The following FLVCR1 variants were observed in gnomAD, a reference collection of about 807,000 sequenced individuals.
The protein encoded by FLVCR1 is choline/ethanolamine transporter FLVCR1.
FLVCR1 carries 34 observed loss-of-function variants against 53.6 expected under a neutral mutation model. The observed-to-expected ratio is 0.63, with a 90% CI of 0.48 to 0.84. FLVCR1 has a LOEUF of 0.84. Ranked by LOEUF, FLVCR1 falls within the 40% of genes least tolerant of loss-of-function variation. The probability of loss-of-function intolerance (pLI) is 0.00; values close to 1 mark genes in which losing one functional copy is unlikely to be tolerated. For synonymous variants in FLVCR1, 300 were observed against 286.3 expected, an observed-to-expected ratio of 1.05 and a Z score of -0.48; for missense variants, 677 against 696.7, an observed-to-expected ratio of 0.97 and a Z score of 0.32.
chr1:212,883,867 C>T (rs1441269625), intron 4 of FLVCR1, among the ~76,000 whole-genome samples: 1 of 149,954 alleles, frequency 6.7e-6, no homozygotes, highest in Non-Finnish European at 1.5e-5. Flanking sequence ...GAAAAGTGGC[C>T]CATTTTAAAG....
chr1:212,867,804 C>CTTT (rs34803914), intron 2 of FLVCR1, among the ~76,000 whole-genome samples: 1 of 122,994 alleles, frequency 8.1e-6, no homozygotes, highest in Non-Finnish European at 1.8e-5. Context: ...CATAATTTTA[C>CTTT]TTTTTTTTTT....
chr1:212,882,841 G>C (rs955198598), intron 3 of FLVCR1, among the ~76,000 whole-genome samples: 3 of 151,728 alleles, frequency 2.0e-5, no homozygotes, highest in Non-Finnish European at 4.4e-5. Context: ...GGAGGTTGTA[G>C]TGAGCTGAGA....
chr1:212,878,298 C>T (rs898123664), intron 3 of FLVCR1, among the ~76,000 whole-genome samples: 1 of 152,026 alleles, frequency 6.6e-6, no homozygotes, highest in Non-Finnish European at 1.5e-5. Context: ...GTCAGGAGAT[C>T]GAGACCATCC....
rs990452302 is a variant in FLVCR1, at chr1:212,896,691, G to A, written c.*1401G>A. On this transcript the variant is annotated 3_prime_UTR_variant, in exon 10 of 10. Transcript: ENST00000366971. ...TGAAGTGAATAGCAATTTTGATTTA[G>A]GCAGTGTGTTAGGCCATCCTTGCAT... is the stretch of plus-strand genomic sequence containing the variant. 1 of 151,832 alleles carries A rather than the reference G, an allele frequency of 6.6e-6. No homozygotes were observed. The highest frequency in any genetic ancestry group is 2.4e-5 in the African/African-American group (1 of 41,314). The allele number at this position is 151,832 out of a possible 1,614,324, so 9.4% of individuals were successfully genotyped here.
At chr1:212,862,860 GTTA>G (rs1279744257) in intron 1 of FLVCR1, among the ~76,000 whole-genome samples, 5 of 152,110 alleles carry the variant, frequency 3.3e-5, no homozygotes, top group African/African-American at 1.2e-4. Flanking sequence ...TGCTATTATT[GTTA>G]TTATAGTAGC....
intron 8 of FLVCR1, among the ~76,000 whole-genome samples, chr1:212,894,711 T>C (rs564023875): frequency 6.6e-6 from 1 of 152,336 alleles, no homozygotes; most frequent in East Asian, 1.9e-4. Context: ...ATGTCAAAGT[T>C]TCCCTAGATT....
chr1:212,858,691 G>T lies in FLVCR1; in HGVS notation c.239G>T (p.Arg80Leu), dbSNP rs1222300314. The change falls in exon 1 of 10, where the codon CGG becomes CTG. Residue 80 changes from arginine to leucine, a missense_variant. Coordinates refer to ENST00000366971, the MANE Select transcript of FLVCR1 (RefSeq NM_014053.4). ...PLAPEEETQARLLPAGAGAET... is the reference protein window; with the variant it reads ...PLAPEEETQALLLPAGAGAET... Reference sequence around the variant, plus strand: ...GCCCCAGAAGAGGAGACCCAGGCCCGGCTGCTGCCTGCGGGCGCGGGAGCT... The same window carrying T: ...GCCCCAGAAGAGGAGACCCAGGCCCTGCTGCTGCCTGCGGGCGCGGGAGCT... The T allele has an allele frequency of 6.3e-7, 1 of 1,580,568 alleles. No individual in the cohort carries two copies. Among genetic ancestry groups the T allele is most frequent in the African/African-American group, 1.3e-5 (1 of 74,098 alleles).
At position 212,882,256 on chromosome 1, in the gene FLVCR1, A is replaced by T. The variant is rs929134275; in HGVS notation, c.1025-1115A>T. Among the ~76,000 whole-genome samples the T allele has an allele frequency of 1.3e-5, 2 of 152,212 alleles. 1 individual carries two copies. Among genetic ancestry groups the T allele is most frequent in the South Asian group, 4.1e-4 (2 of 4,834 alleles). On this transcript the variant is annotated intron_variant, in intron 3 of 9. Transcript: ENST00000366971. ...CTTAAGTGTCTATTGACAGGACGAGATAATTAAATTGAAGTATATTAACAT... is the reference window on the plus strand; with the variant it reads ...CTTAAGTGTCTATTGACAGGACGAGTTAATTAAATTGAAGTATATTAACAT...
rs1316580706 is a variant in FLVCR1, at chr1:212,895,544, CAT to C, written c.*257_*258del. 6.2e-6 allele frequency: 3 copies of C among 480,450 alleles called. No individual in the cohort carries two copies. Among genetic ancestry groups the C allele is most frequent in the African/African-American group, 3.9e-5 (2 of 51,486 alleles). 29.8% of individuals were successfully genotyped at this position (480,450 alleles called of 1,614,324 possible). ...CTAATTAGTATCCGGTTTTTAGTCTCATATTGTATCTGAAAGTAAGCTTCTTG... is the reference window on the plus strand; with the variant it reads ...CTAATTAGTATCCGGTTTTTAGTCTCATTGTATCTGAAAGTAAGCTTCTTG... On this transcript the variant is annotated 3_prime_UTR_variant, in exon 10 of 10. Transcript: ENST00000366971.
rs79510627 is a variant in FLVCR1 at position 212,863,839 on chromosome 1, G to T, written c.853G>T (p.Ala285Ser). The change falls in exon 2 of 10, where the codon GCC (alanine) becomes TCC (serine). Residue 285 changes from alanine (A) to serine (S), a missense_variant. By Grantham distance (99) the Ala-to-Ser change is moderately conservative (BLOSUM62 1). Coordinates refer to ENST00000366971, the MANE Select transcript of FLVCR1 (RefSeq NM_014053.4). ...CATGTTTTATGGAACATCAGCTGTTGCCACACTTTTATTTATTTTAACAGC... is the reference window on the plus strand; with the variant it reads ...CATGTTTTATGGAACATCAGCTGTTTCCACACTTTTATTTATTTTAACAGC... Reference protein sequence around the residue: ...STMFYGTSAVATLLFILTAIA... With the variant: ...STMFYGTSAVSTLLFILTAIA... 3.1e-6 allele frequency: 5 copies of T among 1,613,666 alleles called. No homozygotes were observed. Among genetic ancestry groups the T allele is most frequent in the Non-Finnish European group, 2.5e-6 (3 of 1,179,616 alleles).
At chr1:212,869,639 G>A (rs565376514) in intron 2 of FLVCR1, among the ~76,000 whole-genome samples, 5 of 152,320 alleles carry the variant, frequency 3.3e-5, no homozygotes, top group African/African-American at 1.2e-4. Flanking sequence ...CGCCTCCTGG[G>A]TTCAAGTGAT....
chr1:212,895,497 TC>T lies in FLVCR1; in HGVS notation c.*208del, dbSNP rs1665309835. 1.7e-6 allele frequency: 1 copy of T among 592,994 alleles called. No homozygotes were observed. Among genetic ancestry groups the T allele is most frequent in the South Asian group, 2.0e-5 (1 of 50,876 alleles). 36.7% of individuals were successfully genotyped at this position (592,994 alleles called of 1,614,324 possible). ...TTTTCTTAAAATTCTTCTGTTTACA[TC>T]ATGTTAACACTACTGTTTATCTAAT... On this transcript the variant is annotated 3_prime_UTR_variant, in exon 10 of 10. Coordinates refer to ENST00000366971, the MANE Select transcript of FLVCR1 (RefSeq NM_014053.4).
chr1:212,894,707 A>G (rs1665288598), intron 8 of FLVCR1, among the ~76,000 whole-genome samples: 1 of 152,146 alleles, frequency 6.6e-6, no homozygotes, highest in Non-Finnish European at 1.5e-5. Context: ...TTACATGTCA[A>G]AGTTTCCCTA....
intron 2 of FLVCR1, among the ~76,000 whole-genome samples, chr1:212,865,505 CAG>C (rs1251587866): frequency 4.5e-5 from 3 of 66,566 alleles, no homozygotes; most frequent in East Asian, 6.1e-4. Flanking sequence ...TTTTTTGAGA[CAG>C]AGTCTCGCTC....
chr1:212,867,041 C>G (rs1402321853), intron 2 of FLVCR1, among the ~76,000 whole-genome samples: 1 of 152,250 alleles, frequency 6.6e-6, no homozygotes, highest in East Asian at 1.9e-4. Flanking sequence ...TTACTTCTCT[C>G]TGAATTCTAT....
chr1:212,860,799 G>C (rs1664216709), intron 1 of FLVCR1, among the ~76,000 whole-genome samples: 2 of 152,154 alleles, frequency 1.3e-5, no homozygotes, highest in African/African-American at 4.8e-5. Flanking sequence ...AAATAAAGGA[G>C]CTTCAGACTC....
rs1665332514 is a variant in FLVCR1 at position 212,896,241 on chromosome 1, T to G, written c.*951T>G. On this transcript the variant is annotated 3_prime_UTR_variant, in exon 10 of 10. Transcript: ENST00000366971. ...CACATCGTATATTTTGCCTTGAAGA[T>G]TCCTGAAATAAGGAAATCTATAATA... 1 of 152,140 alleles carries G rather than the reference T, an allele frequency of 6.6e-6. No individual in the cohort carries two copies. The highest frequency in any genetic ancestry group is 1.5e-5 in the Non-Finnish European group (1 of 68,014). The allele number at this position is 152,140 out of a possible 1,614,324, so 9.4% of individuals were successfully genotyped here. A position where few individuals can be genotyped will look rare whatever the true frequency, so the allele number is the denominator to read the frequency against.
chr1:212,874,526 C>CT (rs61497441), intron 3 of FLVCR1, among the ~76,000 whole-genome samples: 7,654 of 120,134 alleles, frequency 0.064, 415 homozygotes, highest in African/African-American at 0.12. Context: ...TTCTTTTTTT[C>CT]TTTTTTTTTT....
chr1:212,892,016 A>G (rs1334419852), intron 8 of FLVCR1, among the ~76,000 whole-genome samples: 1 of 152,228 alleles, frequency 6.6e-6, no homozygotes, highest in Non-Finnish European at 1.5e-5. Context: ...CTAACTGTCC[A>G]ATTCTGTGAA....
Sources: gnomAD v4.1 joint callset for allele counts (sites outside exome capture counted in the v4.1 genomes callset) on GRCh38, gnomAD v4.1.1 for gene constraint, MANE v1.5 for transcripts, NCBI Gene and HGNC (gene_info 2026-07-23, HGNC 2026-07-21) for gene names.